Variants in CCDC71 observed in about 807,000 individuals in gnomAD.
CCDC71 encodes coiled-coil domain-containing protein 71.
For synonymous variants in CCDC71, 257 were observed against 242.2 expected (o/e 1.06, Z -0.57); for missense variants, 594 against 604.0 (o/e 0.98, Z 0.17).
In CCDC71 at chr3:49,163,355, A is replaced by G. The variant is rs187145869; in HGVS notation, c.854T>C (p.Val285Ala). 2.5e-6 allele frequency: 4 copies of G among 1,613,808 alleles called. No homozygotes were observed. In the African/African-American group the frequency reaches 5.3e-5, roughly 22 times the overall value. Residue 285 changes from valine (V) to alanine (A), a missense_variant, in exon 2 of 2, where the codon GTA (valine) becomes GCA (alanine). Coordinates refer to ENST00000321895, the MANE Select transcript of CCDC71 (RefSeq NM_022903.4). The stretch of plus-strand genomic sequence containing the variant: ...AGCAGCTTTGGCCAGTGTTCGAGCT[A>G]CCTTGGCCTGGGCTGTTTTGGTGCC... ...ALGTKTAQAKVARTLAKAARA... is the reference protein window; with the variant it reads ...ALGTKTAQAKAARTLAKAARA...
At position 49,162,579 on chromosome 3, in the gene CCDC71, T is replaced by C. The variant is rs2045696234; in HGVS notation, c.*226A>G. On this transcript the variant is annotated 3_prime_UTR_variant, in exon 2 of 2. Transcript: ENST00000321895. ...ATAGATGGAACAGTAGACATACAACTTGAATAACAAGTCACAGTGCATCGC... is the reference window on the plus strand; with the variant it reads ...ATAGATGGAACAGTAGACATACAACCTGAATAACAAGTCACAGTGCATCGC... 1 of 592,636 alleles carries C rather than the reference T, an allele frequency of 1.7e-6. No individual in the cohort carries two copies. Among genetic ancestry groups the C allele is most frequent in the Non-Finnish European group, 3.0e-6 (1 of 333,330 alleles). The allele number at this position is 592,636 out of a possible 1,614,324, so 36.7% of individuals were successfully genotyped here.
chr3:49,165,309 C>T (rs1296562564), intron 1 of CCDC71, among the ~76,000 whole-genome samples: 2 of 152,242 alleles, frequency 1.3e-5, no homozygotes, highest in African/African-American at 4.8e-5. Flanking sequence ...CCACAGACCT[C>T]AGTACAGCCC....
Position 49,162,941 on chromosome 3 carries a change from A to T in CCDC71, c.1268T>A (p.Leu423Gln). The change falls in exon 2 of 2, where the codon CTG becomes CAG. Residue 423 changes from leucine (L) to glutamine (Q), a missense_variant. Coordinates refer to ENST00000321895, the MANE Select transcript of CCDC71 (RefSeq NM_022903.4). ...TACCTTTATGGCACGGAACTTCAGC[A>T]GCTTTGCTGTTCCAGGCCCTAGCCA... is the stretch of plus-strand genomic sequence containing the variant. The part of the protein sequence containing the change: ...KAWLGPGTAK[L>Q]LKFRAIKVDR... 6.2e-7 allele frequency: 1 copy of T among 1,614,278 alleles called. No individual in the cohort carries two copies. The highest frequency in any genetic ancestry group is 1.7e-5 in the Admixed American group (1 of 60,034).
chr3:49,165,272 G>C (rs1204419936), intron 1 of CCDC71, among the ~76,000 whole-genome samples: 1 of 152,238 alleles, frequency 6.6e-6, no homozygotes, highest in Non-Finnish European at 1.5e-5. Context: ...TTAGCGGTAT[G>C]CACTGTCCTA....
rs758234952 is a variant in CCDC71, at chr3:49,163,183, G to A, written c.1026C>T (p.Ala342=). The stretch of plus-strand genomic sequence containing the variant: ...CCCGTACTGCCTTGGCTTTAGCCTT[G>A]GCCTTGGCCCATGCTGCCATGACTT... ...KAKVMAAWAK[A]KAKAKAVRAK... The change falls in exon 2 of 2, where the codon GCC becomes GCT. Residue 342 remains alanine (A), a synonymous_variant. Coordinates refer to ENST00000321895, the MANE Select transcript of CCDC71 (RefSeq NM_022903.4). 7 of 1,568,210 alleles carry A rather than the reference G, an allele frequency of 4.5e-6. No homozygotes were observed. The highest frequency in any genetic ancestry group is 6.1e-6 in the Non-Finnish European group (7 of 1,147,236).
In CCDC71 at chr3:49,163,279, C is replaced by T. The variant is rs766966886; in HGVS notation, c.930G>A (p.Arg310=). The T allele has an allele frequency of 6.3e-7, 1 of 1,590,308 alleles. No individual in the cohort carries two copies. The highest frequency in any genetic ancestry group is 8.6e-7 in the Non-Finnish European group (1 of 1,161,082). Residue 310 remains arginine, a synonymous_variant, in exon 2 of 2, where the codon CGG becomes CGA. Coordinates refer to ENST00000321895, the MANE Select transcript of CCDC71 (RefSeq NM_022903.4). ...TGACCTGTGCTGCCTTGGCCTTGGC[C>T]CGGGCCTTAGCAGCCTTGGCCTGTG... The part of the protein sequence containing the change: ...ARTQAKAAKA[R]AKAKAAQVKA...
chr3:49,163,027 C>T lies in CCDC71; in HGVS notation c.1182G>A (p.Glu394=). 6.2e-7 allele frequency: 1 copy of T among 1,614,274 alleles called. No individual in the cohort carries two copies. Among genetic ancestry groups the T allele is most frequent in the Non-Finnish European group, 8.5e-7 (1 of 1,180,054 alleles). ...ETVGQKRKRA[E]EAKDLPPKKR... The stretch of plus-strand genomic sequence containing the variant: ...TCTTGGGAGGAAGATCTTTTGCCTC[C>T]TCAGCCCTTTTCCTCTTCTGCCCAA... Residue 394 remains glutamate (E), a synonymous_variant, in exon 2 of 2, where the codon GAG becomes GAA. Coordinates refer to ENST00000321895, the MANE Select transcript of CCDC71 (RefSeq NM_022903.4).
In CCDC71 at chr3:49,163,712, T is replaced by C; in HGVS notation, c.497A>G (p.Tyr166Cys). The C allele has an allele frequency of 6.2e-7, 1 of 1,613,882 alleles. No individual in the cohort carries two copies. The highest frequency in any genetic ancestry group is 8.5e-7 in the Non-Finnish European group (1 of 1,179,966). ...CCGCATGGCAGGGTAGACACCTGGA[T>C]AAAGGTGGGTGGGGAAGCCCACTGC... is the stretch of plus-strand genomic sequence containing the variant. ...GAAVGFPTHL[Y>C]PGVYPAMRLS... is the part of the protein sequence containing the mutation. The change falls in exon 2 of 2, where the codon TAT becomes TGT. Residue 166 changes from tyrosine (Y) to cysteine (C), a missense_variant. By Grantham distance (194) the Tyr-to-Cys change is radical (BLOSUM62 -2). Coordinates refer to ENST00000321895, the MANE Select transcript of CCDC71 (RefSeq NM_022903.4).
At chr3:49,164,677 C>T (rs1408542121) in intron 1 of CCDC71, among the ~76,000 whole-genome samples, 1 of 152,176 alleles carries the variant, frequency 6.6e-6, no homozygotes, top group African/African-American at 2.4e-5. Context: ...GGAGTGAATG[C>T]TGGCATTCAG....
In CCDC71 at chr3:49,162,767, C is replaced by T. The variant is rs768426216; in HGVS notation, c.*38G>A. On this transcript the variant is annotated 3_prime_UTR_variant, in exon 2 of 2. Transcript: ENST00000321895. Reference sequence around the variant, plus strand: ...ACTGTGCCACTAGCCACACAGACAGCTGGGCTTAGTTTCCCCAAACATTGC... The same window carrying T: ...ACTGTGCCACTAGCCACACAGACAGTTGGGCTTAGTTTCCCCAAACATTGC... 37 of 1,588,984 alleles carry T rather than the reference C, an allele frequency of 2.3e-5. No homozygotes were observed. Among genetic ancestry groups the T allele is most frequent in the Non-Finnish European group, 2.8e-5 (33 of 1,165,876 alleles).
At chr3:49,164,536 C>T (rs1164403043) in intron 1 of CCDC71, among the ~76,000 whole-genome samples, 1 of 152,186 alleles carries the variant, frequency 6.6e-6, no homozygotes, top group African/African-American at 2.4e-5. Context: ...GAGCCTGGTA[C>T]ATTTTAATTC....
In CCDC71 at chr3:49,163,403, C is replaced by T. The variant is rs945805555; in HGVS notation, c.806G>A (p.Arg269Gln). The T allele has an allele frequency of 3.7e-5, 59 of 1,614,002 alleles. No homozygotes were observed. Among genetic ancestry groups the T allele is most frequent in the South Asian group, 5.5e-5 (5 of 91,090 alleles). Residue 269 changes from arginine to glutamine, a missense_variant, in exon 2 of 2, where the codon CGA becomes CAA. Transcript: ENST00000321895. The stretch of plus-strand genomic sequence containing the variant: ...GCCCAGGGCAGAGCCCCCTTTCATT[C>T]GCCGGACACTGGGGGACCCAGTGGC... ...NRATGSPSVR[R>Q]MKGGSALGTK...
rs756169781 is a variant in CCDC71 at position 49,163,481 on chromosome 3, C to A, written c.728G>T (p.Gly243Val). 1.9e-6 allele frequency: 3 copies of A among 1,614,226 alleles called. No homozygotes were observed. Among genetic ancestry groups the A allele is most frequent in the South Asian group, 1.1e-5 (1 of 91,088 alleles). Residue 243 changes from glycine to valine, a missense_variant, in exon 2 of 2, where the codon GGC (glycine) becomes GTC (valine). By Grantham distance (109) the Gly-to-Val change is moderately radical (BLOSUM62 -3). Transcript: ENST00000321895. ...SKGPKCLTRK[G>V]PGAGPRRGSG... ...GCCTCGTCGGGGTCCAGCCCCAGGG[C>A]CTTTGCGAGTCAGACACTTGGGGCC...
At chr3:49,164,401 G>T in intron 1 of CCDC71, 141 bp from the exon 2 acceptor site, 1 of 618,076 alleles carries the variant, frequency 1.6e-6, no homozygotes, top group Non-Finnish European at 2.9e-6. Flanking sequence ...GTAAAACCCT[G>T]GTCTCCTGAC....
In CCDC71 at chr3:49,162,840, G is replaced by A. The variant is rs769765806; in HGVS notation, c.1369C>T (p.Arg457Trp). Residue 457 changes from arginine to tryptophan, a missense_variant, in exon 2 of 2, where the codon CGG becomes TGG. Coordinates refer to ENST00000321895, the MANE Select transcript of CCDC71 (RefSeq NM_022903.4). ...GAATATGGCAGCAATGGCTGGAGCC[G>A]TATTACAGGTGACAGGTTCACGCGG... is the stretch of plus-strand genomic sequence containing the variant. ...ILRVNLSPVI[R>W]LQPLLPYSAV The A allele has an allele frequency of 8.1e-6, 13 of 1,613,586 alleles. No homozygotes were observed. Among genetic ancestry groups the A allele is most frequent in the Middle Eastern group, 1.7e-4 (1 of 6,050 alleles).
In CCDC71 at chr3:49,164,101, T is replaced by C; in HGVS notation, c.108A>G (p.Pro36=). 6.2e-7 allele frequency: 1 copy of C among 1,613,980 alleles called. No individual in the cohort carries two copies. The highest frequency in any genetic ancestry group is 2.2e-5 in the East Asian group (1 of 44,882). The part of the protein sequence containing the change: ...ALEEALLVFN[P]MSQDLSATEA... ...CTGTGGCACTGAGATCCTGGCTCAT[T>C]GGGTTAAAGACAAGCAGTGCCTCTT... Residue 36 remains proline, a synonymous_variant, in exon 2 of 2, where the codon CCA becomes CCG. Transcript: ENST00000321895.
intron 1 of CCDC71, 61 bp from the exon 2 acceptor site, chr3:49,164,321 T>C (rs551985134): frequency 1.0e-4 from 101 of 983,748 alleles, no homozygotes; most frequent in East Asian, 5.0e-4. Context: ...CCAGAACACA[T>C]AGACAAGTCA....
Position 49,163,502 on chromosome 3 carries a change from G to A in CCDC71, c.707C>T (p.Pro236Leu), listed in dbSNP as rs148007557. ...KAPRKTTSKGPKCLTRKGPGA... is the reference protein window; with the variant it reads ...KAPRKTTSKGLKCLTRKGPGA... Reference sequence around the variant, plus strand: ...AGGGCCTTTGCGAGTCAGACACTTGGGGCCCTTGCTTGTGGTTTTTCTGGG... The same window carrying A: ...AGGGCCTTTGCGAGTCAGACACTTGAGGCCCTTGCTTGTGGTTTTTCTGGG... Residue 236 changes from proline (P) to leucine (L), a missense_variant, in exon 2 of 2, where the codon CCC (proline) becomes CTC (leucine). By Grantham distance (98) the Pro-to-Leu change is moderately conservative. Transcript: ENST00000321895. The A allele has an allele frequency of 1.5e-4, 237 of 1,614,124 alleles. No individual in the cohort carries two copies. The highest frequency in any genetic ancestry group is 1.9e-4 in the Non-Finnish European group (228 of 1,180,046).
rs2045707068 is a variant in CCDC71, at chr3:49,163,720, G to T, written c.489C>A (p.Thr163=). ...CAGGGTAGACACCTGGATAAAGGTG[G>T]GTGGGGAAGCCCACTGCTGCACCCC... ...HARGAAVGFP[T]HLYPGVYPAM... Residue 163 remains threonine, a synonymous_variant, in exon 2 of 2, where the codon ACC becomes ACA. Transcript: ENST00000321895. The T allele has an allele frequency of 5.0e-6, 8 of 1,614,058 alleles. No individual in the cohort carries two copies. The highest frequency in any genetic ancestry group is 6.8e-6 in the Non-Finnish European group (8 of 1,180,030).
Sources: gnomAD v4.1 joint callset for allele counts (sites outside exome capture counted in the v4.1 genomes callset) on GRCh38, gnomAD v4.1.1 for gene constraint, MANE v1.5 for transcripts, NCBI Gene and HGNC (gene_info 2026-07-23, HGNC 2026-07-21) for gene names.